The following GABRG1 variants were observed in gnomAD, a reference collection of about 807,000 sequenced individuals.
GABRG1 encodes gamma-aminobutyric acid type A receptor subunit gamma1, also known as gamma-aminobutyric acid receptor subunit gamma-1.
A neutral mutation model predicts 49.8 loss-of-function variants in GABRG1; 49 were observed. The ratio of observed to expected loss-of-function variants is 0.98; its 90% confidence interval spans 0.78 to 1.25. GABRG1 has a LOEUF of 1.25. GABRG1 is among the 50% of genes most tolerant of loss of function. The probability of loss-of-function intolerance (pLI) is 0.00; values close to 1 mark genes in which losing one functional copy is unlikely to be tolerated. For missense variants in GABRG1, 552 were observed against 552.3 expected (o/e 1.00, Z 0.01); for synonymous variants, 232 against 185.1 (o/e 1.25, Z -2.06).
intron 1 of GABRG1, among the ~76,000 whole-genome samples, chr4:46,118,132 G>GTGTATATA (rs377481920): frequency 4.2e-4 from 46 of 109,948 alleles, no homozygotes; most frequent in African/African-American, 2.2e-3. Flanking sequence ...GTGTGTGTGT[G>GTGTATATA]TATATATATA....
At chr4:46,102,058 A>G (rs1390672085) in intron 1 of GABRG1, among the ~76,000 whole-genome samples, 1 of 151,710 alleles carries the variant, frequency 6.6e-6, no homozygotes, top group African/African-American at 2.4e-5. Context: ...GTGAATGCCT[A>G]CCTAAGAATG....
chr4:46,115,951 C>A (rs928311225), intron 1 of GABRG1, among the ~76,000 whole-genome samples: 1 of 150,626 alleles, frequency 6.6e-6, no homozygotes. Context: ...ATAAAAAAGA[C>A]AATTATAAAA....
intron 8 of GABRG1, among the ~76,000 whole-genome samples, chr4:46,041,681 A>T (rs562098276): frequency 1.4e-4 from 21 of 152,128 alleles, no homozygotes; most frequent in Admixed American, 9.2e-4. Context: ...TTGATAATGC[A>T]AAAGGTTTGT....
At chr4:46,091,283 A>T (rs924306373) in intron 2 of GABRG1, among the ~76,000 whole-genome samples, 1 of 152,028 alleles carries the variant, frequency 6.6e-6, no homozygotes, top group African/African-American at 2.4e-5. Flanking sequence ...GATTTTCTTT[A>T]CTCAACCTGA....
intron 8 of GABRG1, among the ~76,000 whole-genome samples, chr4:46,048,499 AC>A (rs2109395389): frequency 1.3e-5 from 2 of 151,416 alleles, no homozygotes; most frequent in South Asian, 4.2e-4. Flanking sequence ...GGCCATTGTC[AC>A]AACTGGTACT....
intron 8 of GABRG1, among the ~76,000 whole-genome samples, chr4:46,049,743 C>T (rs1041619248): frequency 6.6e-6 from 1 of 151,924 alleles, no homozygotes; most frequent in African/African-American, 2.4e-5. Flanking sequence ...TTAAAGTCTA[C>T]ACTAGAGTAA....
chr4:46,089,592 T>C (rs529269671), intron 2 of GABRG1, among the ~76,000 whole-genome samples: 2 of 152,250 alleles, frequency 1.3e-5, no homozygotes, highest in Non-Finnish European at 2.9e-5. Context: ...GATATTAAAT[T>C]TTTATATTAG....
At chr4:46,118,238 A>C (rs1227300719) in intron 1 of GABRG1, among the ~76,000 whole-genome samples, 1 of 140,466 alleles carries the variant, frequency 7.1e-6, no homozygotes, top group East Asian at 2.0e-4. Context: ...TATATATTAC[A>C]TATAGATCTA....
At chr4:46,088,831 G>GTGTGTGTT (rs1553882214) in intron 2 of GABRG1, among the ~76,000 whole-genome samples, 4 of 150,872 alleles carry the variant, frequency 2.7e-5, no homozygotes, top group African/African-American at 4.9e-5. Flanking sequence ...GTGTGTGTGT[G>GTGTGTGTT]TGTGTGTGTG....
At chr4:46,110,769 C>T (rs28862676) in intron 1 of GABRG1, among the ~76,000 whole-genome samples, 14,572 of 150,806 alleles carry the variant, frequency 0.097, 1,735 homozygotes, top group African/African-American at 0.29. Context: ...TCTCAATAGA[C>T]GTGGAAAAAG....
chr4:46,073,276 C>T (rs879922325), intron 3 of GABRG1, among the ~76,000 whole-genome samples: 1 of 151,902 alleles, frequency 6.6e-6, no homozygotes, highest in Non-Finnish European at 1.5e-5. Flanking sequence ...TCTATCTTCT[C>T]ATTTTTTCCT....
chr4:46,066,894 A>G (rs1577644214), intron 3 of GABRG1, among the ~76,000 whole-genome samples: 2 of 151,504 alleles, frequency 1.3e-5, no homozygotes, highest in Admixed American at 6.6e-5. Flanking sequence ...ATGTGTGTGT[A>G]TATATGTGTG....
chr4:46,069,380 T>C (rs1374477255), intron 3 of GABRG1, among the ~76,000 whole-genome samples: 3 of 152,036 alleles, frequency 2.0e-5, no homozygotes, highest in African/African-American at 4.8e-5. Context: ...AGCTAATCCA[T>C]AGGACAATTA....
At chr4:46,117,937 T>C (rs1167807774) in intron 1 of GABRG1, among the ~76,000 whole-genome samples, 3 of 9,158 alleles carry the variant, frequency 3.3e-4, no homozygotes, top group African/African-American at 2.0e-3. Context: ...CATATATACA[T>C]ATGTATACAT....
intron 2 of GABRG1, among the ~76,000 whole-genome samples, chr4:46,095,692 T>C (rs1266165480): frequency 1.3e-5 from 2 of 151,904 alleles, no homozygotes; most frequent in African/African-American, 4.8e-5. Context: ...GTAGCCACTA[T>C]GTCCTTCAAG....
At chr4:46,091,503 A>C (rs561932890) in intron 2 of GABRG1, among the ~76,000 whole-genome samples, 1 of 152,132 alleles carries the variant, frequency 6.6e-6, no homozygotes. Flanking sequence ...CAAAGATTTT[A>C]AAATAACTTC....
chr4:46,053,108 T>C (rs1718293703), intron 7 of GABRG1, among the ~76,000 whole-genome samples: 2 of 151,928 alleles, frequency 1.3e-5, no homozygotes, highest in Non-Finnish European at 1.5e-5. Flanking sequence ...GTAGTAAATA[T>C]ACACAAAATG....
intron 1 of GABRG1, among the ~76,000 whole-genome samples, chr4:46,109,385 T>C (rs890506336): frequency 6.6e-6 from 1 of 151,060 alleles, no homozygotes; most frequent in Non-Finnish European, 1.5e-5. Flanking sequence ...CCATTTCTGA[T>C]TGTGCTTATT....
In GABRG1 at chr4:46,092,874, A is replaced by T. The variant is rs1720037215; in HGVS notation, c.253+4327T>A. On this transcript the variant is annotated intron_variant, in intron 2 of 8. Coordinates refer to ENST00000295452, the MANE Select transcript of GABRG1 (RefSeq NM_173536.4). ...GTCAGGAGTTTGAGACCAGCAGACC[A>T]GCCTGACCAACATGGAGAAACTCCG... Among the ~76,000 whole-genome samples the T allele has an allele frequency of 2.7e-5, 4 of 149,838 alleles. No homozygotes were observed. The South Asian group carries it at 8.3e-4, about 31-fold the overall frequency.
Sources: allele counts gnomAD v4.1 joint callset (sites outside exome capture counted in the v4.1 genomes callset), GRCh38; gene constraint gnomAD v4.1.1; transcripts MANE v1.5; gene names NCBI Gene and HGNC (gene_info 2026-07-23, HGNC 2026-07-21).